The following CAMKMT variants were observed in gnomAD, a reference collection of about 807,000 sequenced individuals.
The protein encoded by CAMKMT is CaM KMT.
In CAMKMT, 53 loss-of-function variants were observed where a neutral mutation model predicts 48.0. The ratio of observed to expected loss-of-function variants is 1.10; its 90% CI spans 0.89 to 1.39. The LOEUF is 1.39. Among genes scored for constraint, CAMKMT ranks in the 40% most tolerant of loss-of-function variants. The probability of loss-of-function intolerance (pLI) is 0.00; values close to 1 mark genes in which losing one functional copy is unlikely to be tolerated. For missense variants in CAMKMT, 428 were observed against 402.7 expected (o/e 1.06, Z -0.54); for synonymous variants, 165 against 152.3 (o/e 1.08, Z -0.61).
chr2:44,720,859 T>G (rs1678425759), intron 7 of CAMKMT, among the ~76,000 whole-genome samples: 1 of 152,192 alleles, frequency 6.6e-6, no homozygotes, highest in Non-Finnish European at 1.5e-5. Flanking sequence ...TATTCTCTTT[T>G]TAAGTTTTTA....
intron 3 of CAMKMT, among the ~76,000 whole-genome samples, chr2:44,663,943 T>C (rs1232332329): frequency 6.6e-6 from 1 of 151,752 alleles, no homozygotes; most frequent in Non-Finnish European, 1.5e-5. Context: ...GTAATAAGTC[T>C]AAGGAGAAAA....
intron 3 of CAMKMT, among the ~76,000 whole-genome samples, chr2:44,648,357 C>A (rs2104025869): frequency 6.6e-6 from 1 of 152,040 alleles, no homozygotes; most frequent in East Asian, 1.9e-4. Context: ...ATAATTTTTT[C>A]CCCAATAAAT....
At chr2:44,396,629 T>C (rs1010101535) in intron 3 of CAMKMT, among the ~76,000 whole-genome samples, 4 of 152,198 alleles carry the variant, frequency 2.6e-5, no homozygotes, top group African/African-American at 9.6e-5. Flanking sequence ...GGTATTCTCA[T>C]ACACTGTTGG....
At chr2:44,389,643 G>A (rs1242000971) in intron 2 of CAMKMT, among the ~76,000 whole-genome samples, 1 of 151,944 alleles carries the variant, frequency 6.6e-6, no homozygotes, top group East Asian at 1.9e-4. Flanking sequence ...ATTTTTCATA[G>A]GTATTAATAA....
At chr2:44,608,246 G>A (rs965527909) in intron 3 of CAMKMT, among the ~76,000 whole-genome samples, 1 of 151,662 alleles carries the variant, frequency 6.6e-6, no homozygotes, top group Admixed American at 6.6e-5. Context: ...CTAATTTTTT[G>A]TATTTTTAGT....
At chr2:44,513,124 C>T (rs769062115) in intron 3 of CAMKMT, among the ~76,000 whole-genome samples, 2 of 152,142 alleles carry the variant, frequency 1.3e-5, no homozygotes, top group Non-Finnish European at 1.5e-5. Flanking sequence ...CTATTGATCA[C>T]AATTTCCAAG....
chr2:44,409,085 A>G (rs1244172542), intron 3 of CAMKMT, among the ~76,000 whole-genome samples: 2 of 662 alleles, frequency 3.0e-3, no homozygotes, highest in South Asian at 0.062. Context: ...CAGCCGATAT[A>G]TATATATATA....
intron 3 of CAMKMT, among the ~76,000 whole-genome samples, chr2:44,444,271 G>T (rs912767133): frequency 1.3e-5 from 2 of 152,150 alleles, no homozygotes; most frequent in Non-Finnish European, 2.9e-5. Context: ...TGAGGCGACA[G>T]AAATGAAATC....
At chr2:44,368,809 C>T (rs1448004522) in intron 1 of CAMKMT, among the ~76,000 whole-genome samples, 2 of 152,052 alleles carry the variant, frequency 1.3e-5, no homozygotes, top group African/African-American at 2.4e-5. Flanking sequence ...AGAGTAAGCT[C>T]TGTTGAGTAG....
intron 3 of CAMKMT, among the ~76,000 whole-genome samples, chr2:44,481,365 A>G (rs980136821): frequency 2.0e-5 from 3 of 152,012 alleles, no homozygotes; most frequent in Admixed American, 1.3e-4. Flanking sequence ...TGTTTTTAGC[A>G]TATTTATAAT....
At chr2:44,700,707 CA>C (rs1677208641) in intron 3 of CAMKMT, among the ~76,000 whole-genome samples, 2 of 152,122 alleles carry the variant, frequency 1.3e-5, no homozygotes, top group South Asian at 4.1e-4. Flanking sequence ...TCATTGATCA[CA>C]GATCACCATA....
intron 3 of CAMKMT, among the ~76,000 whole-genome samples, chr2:44,426,458 A>G (rs1301750895): frequency 2.6e-5 from 4 of 152,122 alleles, no homozygotes; most frequent in Non-Finnish European, 5.9e-5. Flanking sequence ...CTGCTCAAAG[A>G]CTCCTAGACC....
chr2:44,463,625 G>C (rs1667959164), intron 3 of CAMKMT, among the ~76,000 whole-genome samples: 1 of 152,114 alleles, frequency 6.6e-6, no homozygotes, highest in South Asian at 2.1e-4. Context: ...TGGATACCTG[G>C]GGTCTACAGT....
intron 3 of CAMKMT, among the ~76,000 whole-genome samples, chr2:44,526,402 A>G (rs1012918635): frequency 6.6e-6 from 1 of 152,242 alleles, no homozygotes; most frequent in Non-Finnish European, 1.5e-5. Flanking sequence ...GAGATTTATT[A>G]TGAAGACTTG....
chr2:44,672,479 A>C (rs1675388402), intron 3 of CAMKMT, among the ~76,000 whole-genome samples: 1 of 152,102 alleles, frequency 6.6e-6, no homozygotes, highest in Non-Finnish European at 1.5e-5. Flanking sequence ...TTTGCAGAAC[A>C]AGACCATTTG....
chr2:44,520,055 CA>C (rs34844162), intron 3 of CAMKMT, among the ~76,000 whole-genome samples: 313 of 138,462 alleles, frequency 2.3e-3, no homozygotes, highest in Middle Eastern at 7.6e-3. Context: ...ACTAAAAATA[CA>C]AAAAAAAAAA....
chr2:44,678,721 T>C (rs1385227818), intron 3 of CAMKMT, among the ~76,000 whole-genome samples: 2 of 152,212 alleles, frequency 1.3e-5, no homozygotes, highest in African/African-American at 4.8e-5. Context: ...TAATTGTGAA[T>C]GTTTGTATAT....
chr2:44,413,079 A>T (rs1016821528), intron 3 of CAMKMT, among the ~76,000 whole-genome samples: 3 of 152,096 alleles, frequency 2.0e-5, no homozygotes, highest in Admixed American at 6.5e-5. Flanking sequence ...CCATCTCAAA[A>T]AAAATAAAAT....
At chr2:44,439,682 C>T (rs1666516358) in intron 3 of CAMKMT, among the ~76,000 whole-genome samples, 2 of 151,742 alleles carry the variant, frequency 1.3e-5, no homozygotes, top group African/African-American at 2.4e-5. Flanking sequence ...ACTAAAAATA[C>T]AAAAAATCAG....
Sources: allele counts gnomAD v4.1 joint callset (sites outside exome capture counted in the v4.1 genomes callset), GRCh38; gene constraint gnomAD v4.1.1; transcripts MANE v1.5; gene names NCBI Gene and HGNC (gene_info 2026-07-23, HGNC 2026-07-21).